DDX4: variants seen among roughly 807,000 people sequenced by gnomAD.
DDX4 encodes probable ATP-dependent RNA helicase DDX4.
Under a neutral mutation model 100.0 loss-of-function variants are expected in DDX4, and 25 were observed. The ratio of observed to expected loss-of-function variants is 0.25; its 90% CI spans 0.18 to 0.35. DDX4 has a LOEUF of 0.35. DDX4 is among the 10% of genes least tolerant of loss of function. DDX4 has a pLI of 1.00. For synonymous variants in DDX4, 259 were observed against 275.7 expected (o/e 0.94, Z 0.60); for missense variants, 635 against 882.4 (o/e 0.72, Z 3.55).
At chr5:55,793,070 GT>G (rs1170167762) in intron 17 of DDX4, among the ~76,000 whole-genome samples, 1 of 140,534 alleles carries the variant, frequency 7.1e-6, no homozygotes, top group Non-Finnish European at 1.6e-5. Context: ...GTGTGTTGTT[GT>G]TGTTGTTGCA....
rs190692150 is a variant in DDX4, at chr5:55,745,233, T to C, written c.70-931T>C. Among the ~76,000 whole-genome samples, 329 of 152,224 alleles carry C rather than the reference T, an allele frequency of 2.2e-3. 1 individual carries two copies. The highest frequency in any genetic ancestry group is 6.0e-3 in the African/African-American group (248 of 41,544). On this transcript the variant is annotated intron_variant, in intron 2 of 21. Coordinates refer to ENST00000505374, the MANE Select transcript of DDX4 (RefSeq NM_024415.3). ...TACCATTAATTGGTTTCACTATAAA[T>C]GCAGTAGAGATTTTAAAAATTTCTG... is the stretch of plus-strand genomic sequence containing the variant.
intron 2 of DDX4, among the ~76,000 whole-genome samples, chr5:55,739,516 G>A (rs1031141570): frequency 3.9e-5 from 6 of 152,156 alleles, no homozygotes; most frequent in Non-Finnish European, 8.8e-5. Context: ...GAGTTACATT[G>A]TAATTTAGGG....
At chr5:55,757,788 A>G (rs546896086) in intron 3 of DDX4, among the ~76,000 whole-genome samples, 8 of 152,332 alleles carry the variant, frequency 5.3e-5, no homozygotes, top group African/African-American at 1.9e-4. Context: ...TCACGCCTGT[A>G]GTCCCAGCAC....
At chr5:55,792,555 A>G (rs1409395363) in intron 16 of DDX4, 86 bp from the exon 17 acceptor site, 19 of 673,812 alleles carry the variant, frequency 2.8e-5, no homozygotes, top group Middle Eastern at 3.7e-4. Flanking sequence ...TTTTCTTAAC[A>G]GTATTTTAAC....
chr5:55,790,303 C>G (rs756604984), intron 15 of DDX4, among the ~76,000 whole-genome samples: 1 of 151,918 alleles, frequency 6.6e-6, no homozygotes, highest in Non-Finnish European at 1.5e-5. Context: ...TGCTACCATG[C>G]CTGGCCAATT....
chr5:55,757,708 T>C (rs1760023887), intron 3 of DDX4, among the ~76,000 whole-genome samples: 1 of 152,150 alleles, frequency 6.6e-6, no homozygotes, highest in Non-Finnish European at 1.5e-5. Context: ...TGAAGTCTTA[T>C]GTAAACCATA....
chr5:55,816,999 A>T lies in DDX4; in HGVS notation c.*459A>T, dbSNP rs1744456609. ...AGAAAGTAGAATACTTAAGCCTTTCAAAGTGATTTTGATTTTTAGATCATC... is the reference window on the plus strand; with the variant it reads ...AGAAAGTAGAATACTTAAGCCTTTCTAAGTGATTTTGATTTTTAGATCATC... On this transcript the variant is annotated 3_prime_UTR_variant, in exon 22 of 22. Transcript: ENST00000505374. The T allele has an allele frequency of 6.5e-6, 1 of 153,064 alleles. No individual in the cohort carries two copies. Among genetic ancestry groups the T allele is most frequent in the Admixed American group, 6.5e-5 (1 of 15,372 alleles). 9.5% of individuals were successfully genotyped at this position (153,064 alleles called of 1,614,324 possible). A position where few individuals can be genotyped will look rare whatever the true frequency, so the allele number is the denominator to read the frequency against.
At chr5:55,764,183 G>T (rs1740746487) in intron 6 of DDX4, 119 bp downstream of exon 6, 2 of 728,062 alleles carry the variant, frequency 2.7e-6, no homozygotes, top group African/African-American at 1.8e-5. Flanking sequence ...CAGATTTTAT[G>T]AAGTAGCTAT....
At chr5:55,773,681 C>G (rs1443985294) in intron 7 of DDX4, among the ~76,000 whole-genome samples, 2 of 151,942 alleles carry the variant, frequency 1.3e-5, no homozygotes, top group Non-Finnish European at 2.9e-5. Context: ...CTGGAGGGCT[C>G]TGTCACAATT....
chr5:55,739,090 C>A, intron 2 of DDX4, 58 bp downstream of exon 2: 1 of 1,047,108 alleles, frequency 9.6e-7, no homozygotes, highest in Non-Finnish European at 1.5e-6. Flanking sequence ...AGTTGAAAAT[C>A]ACTGTGGTGA....
chr5:55,746,347 T>TTA, intron 3 of DDX4, 126 bp downstream of exon 3: 1 of 690,812 alleles, frequency 1.4e-6, no homozygotes. Flanking sequence ...GAAAGTTCCT[T>TTA]CTGATTTGGA....
intron 15 of DDX4, among the ~76,000 whole-genome samples, chr5:55,790,138 C>CTTTTTT (rs35365600): frequency 9.8e-6 from 1 of 102,024 alleles, no homozygotes; most frequent in Non-Finnish European, 1.8e-5. Flanking sequence ...AAAATATCAC[C>CTTTTTT]TTTTTTTTTT....
At chr5:55,768,387 G>A (rs991347629) in intron 7 of DDX4, among the ~76,000 whole-genome samples, 1 of 152,066 alleles carries the variant, frequency 6.6e-6, no homozygotes, top group African/African-American at 2.4e-5. Context: ...TCAGTATTTG[G>A]CTTTCTGTTC....
chr5:55,807,971 T>C (rs1331070357), intron 18 of DDX4, among the ~76,000 whole-genome samples: 1 of 152,256 alleles, frequency 6.6e-6, no homozygotes, highest in African/African-American at 2.4e-5. Flanking sequence ...GATGTAGATA[T>C]GGTCTTTTCA....
At chr5:55,795,301 T>C (rs1026755285) in intron 17 of DDX4, among the ~76,000 whole-genome samples, 3 of 152,182 alleles carry the variant, frequency 2.0e-5, no homozygotes, top group Non-Finnish European at 4.4e-5. Flanking sequence ...GTGTTTGTTC[T>C]CCCAGATGAA....
intron 6 of DDX4, chr5:55,767,101 A>T: frequency 8.0e-7 from 1 of 1,256,100 alleles, no homozygotes. Flanking sequence ...AATGGGGGAA[A>T]GTTTGCATAT....
chr5:55,798,647 T>C (rs1019050482), intron 18 of DDX4, 76 bp downstream of exon 18: 6 of 1,366,608 alleles, frequency 4.4e-6, no homozygotes, highest in African/African-American at 1.5e-5. Flanking sequence ...CACTAAAGAA[T>C]TGTTTGGTCT....
At chr5:55,762,628 G>A (rs965319223) in intron 4 of DDX4, among the ~76,000 whole-genome samples, 2 of 152,084 alleles carry the variant, frequency 1.3e-5, no homozygotes, top group Non-Finnish European at 2.9e-5. Flanking sequence ...ATTACATAGT[G>A]AGAAACAAAG....
intron 3 of DDX4, among the ~76,000 whole-genome samples, chr5:55,747,466 G>A (rs1460107192): frequency 6.6e-6 from 1 of 152,196 alleles, no homozygotes; most frequent in Non-Finnish European, 1.5e-5. Context: ...AGGATTGCTT[G>A]AGCCCAGGAG....
Sources: allele counts gnomAD v4.1 joint callset (sites outside exome capture counted in the v4.1 genomes callset), GRCh38; gene constraint gnomAD v4.1.1; transcripts MANE v1.5; gene names NCBI Gene and HGNC (gene_info 2026-07-23, HGNC 2026-07-21).